Variants in LARGE1 observed in about 807,000 individuals in gnomAD.
The protein encoded by LARGE1 is xylosyl- and glucuronyltransferase LARGE1.
A neutral mutation model predicts 87.6 loss-of-function variants in LARGE1; 43 were observed. The observed-to-expected ratio is 0.49, with a 90% CI of 0.38 to 0.63. The LOEUF (loss-of-function observed/expected upper bound fraction) is 0.63. Ranked by LOEUF, LARGE1 falls within the 30% of genes least tolerant of loss-of-function variation. The pLI, the probability that LARGE1 is intolerant of heterozygous loss-of-function variation, is 0.00. For missense variants in LARGE1, 802 were observed against 1,000.2 expected (o/e 0.80, Z 2.67); for synonymous variants, 434 against 394.6 (o/e 1.10, Z -1.18).
intron 9 of LARGE1, among the ~76,000 whole-genome samples, chr22:33,377,881 T>C (rs11703119): frequency 0.097 from 14,777 of 152,286 alleles, 929 homozygotes; most frequent in South Asian, 0.25. Flanking sequence ...TATCTTTCAC[T>C]TCTAAAAATA....
At chr22:33,269,832 T>C (rs994883438), downstream of LARGE1, among the ~76,000 whole-genome samples, 9 of 151,950 alleles carry the variant, frequency 5.9e-5, no homozygotes, top group South Asian at 2.1e-4. Flanking sequence ...GGTGAAACCC[T>C]GTCTCTACTA....
At chr22:33,181,635 T>G (rs1328483012) in intron 11 of LARGE1, among the ~76,000 whole-genome samples, 1 of 151,906 alleles carries the variant, frequency 6.6e-6, no homozygotes, top group Non-Finnish European at 1.5e-5. Flanking sequence ...TTCATGCCAT[T>G]CTCCTGCCTC....
chr22:33,255,725 A>G (rs1172109029), intron 11 of LARGE1, among the ~76,000 whole-genome samples: 1 of 152,188 alleles, frequency 6.6e-6, no homozygotes, highest in African/African-American at 2.4e-5. Context: ...TGCACCCAAA[A>G]GGACCCTACC....
At chr22:33,685,607 A>C (rs1391691444) in intron 2 of LARGE1, among the ~76,000 whole-genome samples, 1 of 152,200 alleles carries the variant, frequency 6.6e-6, no homozygotes, top group Non-Finnish European at 1.5e-5. Context: ...ATGAATTATA[A>C]ACAAATTTGC....
intron 12 of LARGE1, among the ~76,000 whole-genome samples, chr22:33,292,780 T>A (rs773025015): frequency 1.3e-5 from 2 of 152,178 alleles, no homozygotes; most frequent in African/African-American, 4.8e-5. Flanking sequence ...AAAAAGAGCA[T>A]GATCTTTTTA....
intron 6 of LARGE1, chr22:33,436,594 G>T (rs1027393893): frequency 6.5e-6 from 1 of 153,970 alleles, no homozygotes; most frequent in Non-Finnish European, 1.5e-5. Context: ...TTCCCCATGG[G>T]TGTGAAAGGA....
At chr22:33,886,541 G>A (rs1163508598) in intron 1 of LARGE1, among the ~76,000 whole-genome samples, 1 of 151,258 alleles carries the variant, frequency 6.6e-6, no homozygotes, top group East Asian at 2.0e-4. Flanking sequence ...GCAGGGCATG[G>A]TGGCCCACAC....
At chr22:33,598,605 T>C (rs564658561) in intron 5 of LARGE1, among the ~76,000 whole-genome samples, 3 of 152,112 alleles carry the variant, frequency 2.0e-5, no homozygotes, top group South Asian at 2.1e-4. Flanking sequence ...CTCCCACTTA[T>C]GAGTGAGAAC....
At chr22:33,092,030 G>A in the LARGE1 span, among the ~76,000 whole-genome samples, 1 of 152,046 alleles carries the variant, frequency 6.6e-6, no homozygotes, top group Non-Finnish European at 1.5e-5. Flanking sequence ...CTCTTGAGTA[G>A]CTGGGATTAC....
chr22:33,585,496 TTGGTAA>T (rs960553224), intron 5 of LARGE1, among the ~76,000 whole-genome samples: 20 of 152,224 alleles, frequency 1.3e-4, no homozygotes, highest in African/African-American at 4.3e-4. Context: ...GATTCCCTGT[TTGGTAA>T]TGAGAGACAG....
intron 12 of LARGE1, 113 bp from the exon 13 acceptor site, chr22:33,283,461 A>C: frequency 8.5e-7 from 1 of 1,175,636 alleles, no homozygotes; most frequent in Non-Finnish European, 1.3e-6. Context: ...AAGAAAGCTC[A>C]GGTCATCCTC....
chr22:33,391,306 G>T (rs548674424), intron 7 of LARGE1, among the ~76,000 whole-genome samples: 20 of 152,126 alleles, frequency 1.3e-4, no homozygotes, highest in Non-Finnish European at 2.4e-4. Flanking sequence ...TTCTCAGGGA[G>T]CAAGGCCTGA....
rs531635589 is a variant in LARGE1, at chr22:33,228,363, C to A, written c.1731-61531G>T. ...TTACACTGACTGCTACATTGTTAGGCAAACATTACATGGGAATACCCAGCA... is the reference window on the plus strand; with the variant it reads ...TTACACTGACTGCTACATTGTTAGGAAAACATTACATGGGAATACCCAGCA... On this transcript the variant is annotated intron_variant, in intron 11 of 11. Transcript: ENST00000608642. Among the ~76,000 whole-genome samples the A allele has an allele frequency of 3.3e-5, 5 of 152,368 alleles. No individual in the cohort carries two copies. The South Asian group carries it at 8.3e-4, about 25-fold the overall frequency.
chr22:33,233,757 A>G (rs1926122692), intron 11 of LARGE1, among the ~76,000 whole-genome samples: 1 of 152,204 alleles, frequency 6.6e-6, no homozygotes, highest in Non-Finnish European at 1.5e-5. Flanking sequence ...CTGGTAACCA[A>G]TGGAAATTTA....
chr22:33,655,810 C>T (rs2080942990), intron 2 of LARGE1, among the ~76,000 whole-genome samples: 2 of 152,086 alleles, frequency 1.3e-5, no homozygotes, highest in African/African-American at 2.4e-5. Context: ...AAATGCCTAG[C>T]ACATCATAAA....
At chr22:33,803,625 G>C (rs1204209720) in intron 1 of LARGE1, among the ~76,000 whole-genome samples, 1 of 152,174 alleles carries the variant, frequency 6.6e-6, no homozygotes, top group Admixed American at 6.5e-5. Flanking sequence ...ACCAGCAAAG[G>C]AAGAAGGTCT....
At chr22:33,405,125 C>T (rs1206942659) in intron 7 of LARGE1, among the ~76,000 whole-genome samples, 1 of 152,180 alleles carries the variant, frequency 6.6e-6, no homozygotes, top group East Asian at 1.9e-4. Flanking sequence ...GGAGAAAGAT[C>T]GTCCTGCATT....
At chr22:33,684,522 C>T (rs912461305) in intron 2 of LARGE1, among the ~76,000 whole-genome samples, 3 of 152,002 alleles carry the variant, frequency 2.0e-5, no homozygotes, top group Non-Finnish European at 2.9e-5. Context: ...TCCTGAGTCA[C>T]GCTGCCTATT....
At chr22:33,070,132 T>G in the LARGE1 span, among the ~76,000 whole-genome samples, 1 of 152,192 alleles carries the variant, frequency 6.6e-6, no homozygotes, top group African/African-American at 2.4e-5. Context: ...TGTTATTACA[T>G]TCTTAATAAT....
Sources: allele counts gnomAD v4.1 joint callset (sites outside exome capture counted in the v4.1 genomes callset), GRCh38; gene constraint gnomAD v4.1.1; transcripts MANE v1.5; gene names NCBI Gene and HGNC (gene_info 2026-07-23, HGNC 2026-07-21).